The following CCDC141 variants were observed in gnomAD, a reference collection of about 807,000 sequenced individuals.
The protein encoded by CCDC141 is coiled-coil domain-containing protein 141.
In CCDC141, 168 loss-of-function variants were observed where a neutral mutation model predicts 181.0. The ratio of observed to expected loss-of-function variants is 0.93; its 90% CI spans 0.82 to 1.05. CCDC141 has a LOEUF of 1.05. Among genes scored for constraint, CCDC141 ranks in the 50% least tolerant of loss-of-function variants. The probability of loss-of-function intolerance (pLI) is 0.00; values close to 1 mark genes in which losing one functional copy is unlikely to be tolerated. For missense variants in CCDC141, 1,902 were observed against 1,788.5 expected (o/e 1.06, Z -1.14); for synonymous variants, 666 against 642.3 (o/e 1.04, Z -0.56).
Position 178,834,055 on chromosome 2 carries a change from G to T in CCDC141, c.*118C>A. 2 of 1,020,924 alleles carry T rather than the reference G, an allele frequency of 2.0e-6. No individual in the cohort carries two copies. The highest frequency in any genetic ancestry group is 2.8e-6 in the Non-Finnish European group (2 of 706,654). The allele number at this position is 1,020,924 out of a possible 1,614,324, so 63.2% of individuals were successfully genotyped here. On this transcript the variant is annotated 3_prime_UTR_variant, in exon 24 of 24. Coordinates refer to ENST00000443758, the MANE Select transcript of CCDC141 (RefSeq NM_173648.4). ...GCAGTGGTATTAGCCAAACAAGTAT[G>T]GTGATCAGACTGGAGATACACTTGG...
intron 2 of CCDC141, among the ~76,000 whole-genome samples, chr2:179,017,346 C>CTTCCAG (rs1274014586): frequency 6.6e-6 from 1 of 152,100 alleles, no homozygotes; most frequent in Non-Finnish European, 1.5e-5. Context: ...GCTTCCACTT[C>CTTCCAG]TTACTTACAT....
At chr2:178,977,518 T>G (rs1691171896) in intron 3 of CCDC141, among the ~76,000 whole-genome samples, 1 of 152,186 alleles carries the variant, frequency 6.6e-6, no homozygotes, top group Admixed American at 6.5e-5. Context: ...TGAGTTAAAC[T>G]TCGGTGTTCA....
intron 6 of CCDC141, among the ~76,000 whole-genome samples, chr2:178,941,897 CT>C (rs1183244768): frequency 7.7e-6 from 1 of 129,702 alleles, no homozygotes; most frequent in Non-Finnish European, 1.5e-5. Flanking sequence ...GATTTCGAGG[CT>C]GCGGTGAGTA....
At chr2:179,028,254 T>A (rs2154386537) in intron 2 of CCDC141, among the ~76,000 whole-genome samples, 1 of 152,310 alleles carries the variant, frequency 6.6e-6, no homozygotes, top group Non-Finnish European at 1.5e-5. Context: ...ACTTCACAAC[T>A]GTATCTCATG....
At chr2:179,005,706 C>G (rs1018498553) in intron 2 of CCDC141, among the ~76,000 whole-genome samples, 2 of 152,128 alleles carry the variant, frequency 1.3e-5, no homozygotes, top group African/African-American at 2.4e-5. Context: ...GCGATCTCAG[C>G]TCACTGCAAC....
intron 6 of CCDC141, among the ~76,000 whole-genome samples, chr2:178,942,766 G>A (rs1298125271): frequency 1.3e-5 from 2 of 152,130 alleles, no homozygotes; most frequent in African/African-American, 4.8e-5. Flanking sequence ...GGGGCAGGGT[G>A]TATATGGGAA....
At chr2:178,819,376 T>A in the CCDC141 span, among the ~76,000 whole-genome samples, 1 of 152,228 alleles carries the variant, frequency 6.6e-6, no homozygotes, top group Non-Finnish European at 1.5e-5. Context: ...TTTATTCAAC[T>A]ACTTAAAACT....
intron 13 of CCDC141, 58 bp downstream of exon 13, chr2:178,872,075 C>G: frequency 2.0e-6 from 3 of 1,537,408 alleles, no homozygotes; most frequent in African/African-American, 2.8e-5. Context: ...AAGGTTCGCT[C>G]ATGTTAGCCT....
rs1220311658 is a variant in CCDC141, at chr2:178,830,009, A to G, written c.*4164T>C. Reference sequence around the variant, plus strand: ...AAGTTTGTATGAAATACTGGTTTCAAATAAGATCTGTTCACAGCCCAGACT... The same window carrying G: ...AAGTTTGTATGAAATACTGGTTTCAGATAAGATCTGTTCACAGCCCAGACT... On this transcript the variant is annotated 3_prime_UTR_variant, in exon 24 of 24. Transcript: ENST00000443758. 1 of 152,210 alleles carries G rather than the reference A, an allele frequency of 6.6e-6. No homozygotes were observed. The highest frequency in any genetic ancestry group is 2.4e-5 in the African/African-American group (1 of 41,464). The allele number at this position is 152,210 out of a possible 1,614,324, so 9.4% of individuals were successfully genotyped here. A position where few individuals can be genotyped will look rare whatever the true frequency, so the allele number is the denominator to read the frequency against.
intron 2 of CCDC141, chr2:179,002,570 C>T (rs1490489602): frequency 3.3e-6 from 1 of 302,136 alleles, no homozygotes; most frequent in South Asian, 3.2e-5. Flanking sequence ...ACCAACACAC[C>T]CAAGATTCAG....
intron 12 of CCDC141, chr2:178,876,080 T>C (rs1047469847): frequency 6.6e-6 from 1 of 152,202 alleles, no homozygotes; most frequent in African/African-American, 2.4e-5. Flanking sequence ...CTAATGCATA[T>C]TTTATTTCCA....
intron 17 of CCDC141, among the ~76,000 whole-genome samples, chr2:178,861,841 G>A (rs1359969901): frequency 2.6e-5 from 4 of 152,024 alleles, no homozygotes; most frequent in Non-Finnish European, 5.9e-5. Flanking sequence ...ATATAATGGA[G>A]TCCTTTTTAA....
intron 8 of CCDC141, among the ~76,000 whole-genome samples, chr2:178,902,207 T>C (rs1362277405): frequency 6.6e-6 from 1 of 152,106 alleles, no homozygotes; most frequent in Admixed American, 6.5e-5. Flanking sequence ...TTCAATGCTA[T>C]CCCCATCAAG....
At chr2:178,866,630 A>ATC (rs1685865861) in intron 16 of CCDC141, among the ~76,000 whole-genome samples, 1 of 152,234 alleles carries the variant, frequency 6.6e-6, no homozygotes, top group Admixed American at 6.5e-5. Flanking sequence ...ACCTATTGTT[A>ATC]GAGTAAACAT....
Position 178,868,191 on chromosome 2 carries a change from G to A in CCDC141, c.2409C>T (p.Ile803=). 6.2e-7 allele frequency: 1 copy of A among 1,608,800 alleles called. No individual in the cohort carries two copies. The highest frequency in any genetic ancestry group is 8.5e-7 in the Non-Finnish European group (1 of 1,175,570). ...HQVKEELGRL[I]KSRELEFVEQ... ...CTACAAACTCCAGCTCTCTTGATTT[G>A]ATGAGACGTCCCAGCTACAATTTAG... The change falls in exon 16 of 24, where the codon ATC becomes ATT. Residue 803 remains isoleucine (I), a synonymous_variant. Transcript: ENST00000443758.
intron 2 of CCDC141, among the ~76,000 whole-genome samples, chr2:179,031,393 T>C (rs1405207308): frequency 1.3e-5 from 2 of 152,056 alleles, no homozygotes; most frequent in African/African-American, 4.8e-5. Context: ...CCTCTTTCTT[T>C]CCTTTCTCAG....
At chr2:178,817,560 T>C in the CCDC141 span, 1 of 471,108 alleles carries the variant, frequency 2.1e-6, no homozygotes, top group South Asian at 1.5e-5. Flanking sequence ...GAAGTCATCT[T>C]TGAACCAAGT....
rs1442078288 is a variant in CCDC141 at position 178,976,403 on chromosome 2, C to T, written c.418-1238G>A. ...GTAACTATTTGATTAACACAATCGACTGTAGTTTATTACAACAGCCATATG... is the reference window on the plus strand; with the variant it reads ...GTAACTATTTGATTAACACAATCGATTGTAGTTTATTACAACAGCCATATG... On this transcript the variant is annotated intron_variant, in intron 3 of 23. Coordinates refer to ENST00000443758, the MANE Select transcript of CCDC141 (RefSeq NM_173648.4). Among the ~76,000 whole-genome samples the T allele has an allele frequency of 2.0e-5, 3 of 152,220 alleles. No homozygotes were observed. The East Asian group carries it at 5.8e-4, about 29-fold the overall frequency.
At chr2:179,032,171 C>A (rs1387658743) in intron 2 of CCDC141, among the ~76,000 whole-genome samples, 1 of 152,138 alleles carries the variant, frequency 6.6e-6, no homozygotes, top group African/African-American at 2.4e-5. Context: ...GTTCCTCACT[C>A]TGCTGTGCAC....
Sources: allele counts gnomAD v4.1 joint callset (sites outside exome capture counted in the v4.1 genomes callset), GRCh38; gene constraint gnomAD v4.1.1; transcripts MANE v1.5; gene names NCBI Gene and HGNC (gene_info 2026-07-23, HGNC 2026-07-21).